SPAG16: variants seen among roughly 807,000 people sequenced by gnomAD.
SPAG16 encodes sperm-associated antigen 16 protein.
In SPAG16, 86 loss-of-function variants were observed where a neutral mutation model predicts 80.4. The ratio of observed to expected loss-of-function variants is 1.07; its 90% CI spans 0.90 to 1.28. SPAG16 has a LOEUF of 1.28. Among genes scored for constraint, SPAG16 ranks in the 50% most tolerant of loss-of-function variants. The pLI is 0.00. For synonymous variants in SPAG16, 294 were observed against 265.9 expected (o/e 1.11, Z -1.03); for missense variants, 870 against 765.3 (o/e 1.14, Z -1.61).
intron 15 of SPAG16, among the ~76,000 whole-genome samples, chr2:214,243,857 C>T (rs1689658530): frequency 6.6e-6 from 1 of 152,068 alleles, no homozygotes; most frequent in African/African-American, 2.4e-5. Context: ...TCTCTGACAT[C>T]CTACAAATAG....
intron 13 of SPAG16, among the ~76,000 whole-genome samples, chr2:214,050,977 C>T (rs757077555): frequency 2.0e-4 from 30 of 152,192 alleles, no homozygotes; most frequent in Non-Finnish European, 3.1e-4. Context: ...GAAGGATGAG[C>T]TCTGCCAGGA....
intron 7 of SPAG16, among the ~76,000 whole-genome samples, chr2:213,352,464 C>G (rs2065386348): frequency 6.6e-6 from 1 of 152,054 alleles, no homozygotes; most frequent in Non-Finnish European, 1.5e-5. Context: ...TTTTGCTACC[C>G]ATCTTACTCT....
chr2:214,008,056 C>T (rs2047108580), intron 12 of SPAG16, among the ~76,000 whole-genome samples: 1 of 151,930 alleles, frequency 6.6e-6, no homozygotes, highest in South Asian at 2.1e-4. Context: ...GACTGTAATC[C>T]ATGGTTTTTC....
At chr2:214,177,989 ATATATATATATATATATATATATT>A (rs1224667684) in intron 15 of SPAG16, among the ~76,000 whole-genome samples, 1,014 of 56,942 alleles carry the variant, frequency 0.018, 19 homozygotes, top group Non-Finnish European at 0.042. Flanking sequence ...ATATATATAT[ATATATATATATATATATATATATT>A]CATACTTTAT....
intron 10 of SPAG16, among the ~76,000 whole-genome samples, chr2:213,854,029 T>C (rs2075036979): frequency 1.3e-5 from 2 of 152,318 alleles, no homozygotes; most frequent in South Asian, 4.1e-4. Flanking sequence ...TCTCCACTAC[T>C]TCCCTCAGTG....
chr2:214,058,094 A>G (rs1215534705), intron 13 of SPAG16, among the ~76,000 whole-genome samples: 1 of 152,130 alleles, frequency 6.6e-6, no homozygotes, highest in Non-Finnish European at 1.5e-5. Context: ...TTGTGTGTTC[A>G]CAGGAGCAGC....
chr2:214,196,395 C>T (rs62196169), intron 15 of SPAG16, among the ~76,000 whole-genome samples: 27,691 of 151,930 alleles, frequency 0.18, 2,919 homozygotes, highest in Middle Eastern at 0.24. Flanking sequence ...TTAACAAATA[C>T]GAAAACAGAA....
chr2:214,192,315 ATGCCTTAAGAAAATAG>A (rs1351535799), intron 15 of SPAG16, among the ~76,000 whole-genome samples: 1 of 152,000 alleles, frequency 6.6e-6, no homozygotes, highest in East Asian at 1.9e-4. Flanking sequence ...TTTTTTCCTG[ATGCCTTAAGAAAATAG>A]TGCCTGTGTG....
chr2:213,371,988 A>G (rs1467072663), intron 8 of SPAG16, among the ~76,000 whole-genome samples: 1 of 152,166 alleles, frequency 6.6e-6, no homozygotes, highest in Non-Finnish European at 1.5e-5. Context: ...GGGAGAAACT[A>G]TGAAATAATT....
intron 7 of SPAG16, among the ~76,000 whole-genome samples, chr2:213,350,982 A>T (rs150025587): frequency 1.4e-5 from 2 of 138,196 alleles, no homozygotes; most frequent in Non-Finnish European, 3.2e-5. Flanking sequence ...AAAAAAAAAA[A>T]CAAAAAACAA....
intron 10 of SPAG16, among the ~76,000 whole-genome samples, chr2:213,532,425 A>G (rs1390382319): frequency 1.3e-5 from 2 of 149,934 alleles, no homozygotes; most frequent in African/African-American, 4.9e-5. Flanking sequence ...AATTCTGTTT[A>G]TTTCTTGAAA....
intron 15 of SPAG16, among the ~76,000 whole-genome samples, chr2:214,390,344 A>G (rs866813592): frequency 1.0e-5 from 1 of 98,198 alleles, no homozygotes; most frequent in East Asian, 3.5e-4. Flanking sequence ...TTTTTTTTAA[A>G]AAAAAAAAAA....
At chr2:213,297,727 A>C (rs1235944953) in intron 3 of SPAG16, among the ~76,000 whole-genome samples, 4 of 152,182 alleles carry the variant, frequency 2.6e-5, no homozygotes, top group Non-Finnish European at 5.9e-5. Context: ...ACATGAAAGT[A>C]TTAATCTTAC....
rs545575584 is a variant in SPAG16 at position 213,301,037 on chromosome 2, A to G, written c.279+3680A>G. Among the ~76,000 whole-genome samples, 25 of 152,268 alleles carry G rather than the reference A, an allele frequency of 1.6e-4. No homozygotes were observed. In the South Asian group the frequency reaches 2.3e-3, roughly 14 times the overall value. On this transcript the variant is annotated intron_variant, in intron 3 of 15. Transcript: ENST00000331683. Reference sequence around the variant, plus strand: ...ATTAATATTAGGTTGGTGCAAAAGTAATTGTGGCTATACCATTACTTTTAA... The same window carrying G: ...ATTAATATTAGGTTGGTGCAAAAGTGATTGTGGCTATACCATTACTTTTAA...
intron 5 of SPAG16, among the ~76,000 whole-genome samples, chr2:213,318,222 A>G (rs941905886): frequency 1.3e-5 from 2 of 152,006 alleles, no homozygotes; most frequent in Admixed American, 6.6e-5. Flanking sequence ...TTGCAGTGCT[A>G]TTGATGATAA....
chr2:214,016,690 G>T (rs2047608571), intron 13 of SPAG16, among the ~76,000 whole-genome samples: 1 of 152,108 alleles, frequency 6.6e-6, no homozygotes, highest in Non-Finnish European at 1.5e-5. Flanking sequence ...AAAGAGAAAA[G>T]ATAACAGAGT....
chr2:213,567,017 T>C (rs933814429), intron 10 of SPAG16, among the ~76,000 whole-genome samples: 1 of 152,180 alleles, frequency 6.6e-6, no homozygotes, highest in Non-Finnish European at 1.5e-5. Flanking sequence ...GCTGATAATA[T>C]AATGTTCATC....
intron 10 of SPAG16, among the ~76,000 whole-genome samples, chr2:213,684,062 G>C (rs541420650): frequency 6.6e-6 from 1 of 152,264 alleles, no homozygotes; most frequent in Admixed American, 6.5e-5. Flanking sequence ...ACATTGGATT[G>C]GCAGCTGAAA....
intron 15 of SPAG16, among the ~76,000 whole-genome samples, chr2:214,155,713 G>C (rs777792584): frequency 2.0e-5 from 3 of 151,962 alleles, no homozygotes; most frequent in East Asian, 1.9e-4. Context: ...GAAGAATATC[G>C]CCTCCATAGT....
Sources: gnomAD v4.1 joint callset for allele counts (sites outside exome capture counted in the v4.1 genomes callset) on GRCh38, gnomAD v4.1.1 for gene constraint, MANE v1.5 for transcripts, NCBI Gene and HGNC (gene_info 2026-07-23, HGNC 2026-07-21) for gene names.